The following ART3 variants were observed in gnomAD, a reference collection of about 807,000 sequenced individuals.
ART3 encodes ecto-ADP-ribosyltransferase 3.
In ART3, 49 loss-of-function variants were observed where a neutral mutation model predicts 48.5. That is an observed-to-expected ratio of 1.01 (90% CI 0.80 to 1.28). ART3 has a LOEUF of 1.28. ART3 is among the 50% of genes most tolerant of loss of function. The pLI is 0.00. For synonymous variants in ART3, 145 were observed against 157.2 expected, an observed-to-expected ratio of 0.92 and a Z score of 0.58; for missense variants, 438 against 454.3, an observed-to-expected ratio of 0.96 and a Z score of 0.33.
chr4:76,077,608 T>A (rs1010931997), intron 2 of ART3, among the ~76,000 whole-genome samples: 2 of 152,238 alleles, frequency 1.3e-5, no homozygotes, highest in Admixed American at 6.5e-5. Flanking sequence ...TAAAGTTTAC[T>A]TATATATAGG....
chr4:76,107,746 C>T lies in ART3; in HGVS notation c.1004-15C>T. 1.4e-6 allele frequency: 2 copies of T among 1,401,522 alleles called. No homozygotes were observed. The highest frequency in any genetic ancestry group is 2.0e-6 in the Non-Finnish European group (2 of 1,023,234). The allele number at this position is 1,401,522 out of a possible 1,614,324, so 86.8% of individuals were successfully genotyped here. ...ATATACAATATAACTAACTCAAAAT[C>T]TCTTTATATTTTAGAAGATAAAAGT... On this transcript the variant is annotated splice_polypyrimidine_tract_variant and intron_variant, in intron 10 of 11. Transcript: ENST00000355810.
intron 1 of ART3, among the ~76,000 whole-genome samples, chr4:76,061,356 T>C (rs1719196832): frequency 1.3e-5 from 2 of 152,210 alleles, no homozygotes; most frequent in South Asian, 4.1e-4. Context: ...CACATCCCTA[T>C]GCTATATAAT....
chr4:76,040,313 A>C (rs1734824113), intron 1 of ART3, among the ~76,000 whole-genome samples: 1 of 152,188 alleles, frequency 6.6e-6, no homozygotes, highest in African/African-American at 2.4e-5. Flanking sequence ...TGACCCAGAG[A>C]GACTCCGTCT....
At chr4:76,035,858 G>A in intron 1 of ART3, 1 of 1,357,922 alleles carries the variant, frequency 7.4e-7, no homozygotes, top group Non-Finnish European at 1.0e-6. Context: ...TAGGATAAAA[G>A]TGGAAGAAAA....
chr4:76,032,304 C>T (rs1578243515), intron 1 of ART3, among the ~76,000 whole-genome samples: 2 of 151,812 alleles, frequency 1.3e-5, no homozygotes, highest in East Asian at 1.9e-4. Context: ...CCTCCCAGAC[C>T]CAAGTGATCC....
intron 5 of ART3, among the ~76,000 whole-genome samples, chr4:76,099,941 A>AG (rs1490903144): frequency 6.6e-6 from 1 of 152,236 alleles, no homozygotes; most frequent in African/African-American, 2.4e-5. Flanking sequence ...AGACTTGCTT[A>AG]GCAGCCCTTC....
chr4:76,065,369 A>G (rs541693493), intron 1 of ART3, among the ~76,000 whole-genome samples: 29 of 152,206 alleles, frequency 1.9e-4, no homozygotes, highest in African/African-American at 6.7e-4. Flanking sequence ...TAACATGCCG[A>G]TCTTTGGGAT....
intron 5 of ART3, 64 bp downstream of exon 5, chr4:76,099,051 C>T (rs767600524): frequency 6.7e-7 from 1 of 1,485,652 alleles, no homozygotes; most frequent in East Asian, 2.3e-5. Flanking sequence ...CCTGTAATCC[C>T]AGCGCTTTGG....
At chr4:76,112,094 A>G (rs1729602719) in intron 11 of ART3, 1 of 295,764 alleles carries the variant, frequency 3.4e-6, no homozygotes, top group Admixed American at 4.8e-5. Context: ...GCTTCCAGTT[A>G]ATGGTAGGCT....
At chr4:76,040,191 G>A (rs939725728) in intron 1 of ART3, among the ~76,000 whole-genome samples, 1 of 152,102 alleles carries the variant, frequency 6.6e-6, no homozygotes, top group African/African-American at 2.4e-5. Flanking sequence ...TGGGTATGGT[G>A]GCGCATGCCT....
At chr4:76,079,096 A>G (rs1578448900) in intron 2 of ART3, among the ~76,000 whole-genome samples, 1 of 151,012 alleles carries the variant, frequency 6.6e-6, no homozygotes, top group South Asian at 2.1e-4. Flanking sequence ...AAAAAAAAGG[A>G]CAAGACTCTG....
chr4:76,103,116 C>T (rs1340832861), intron 8 of ART3, among the ~76,000 whole-genome samples: 3 of 152,082 alleles, frequency 2.0e-5, no homozygotes, highest in African/African-American at 4.8e-5. Context: ...TTCTTATTCT[C>T]GTCCTTAGGA....
At chr4:76,020,954 G>GATA (rs1732747303) in intron 1 of ART3, among the ~76,000 whole-genome samples, 1 of 152,182 alleles carries the variant, frequency 6.6e-6, no homozygotes, top group South Asian at 2.1e-4. Flanking sequence ...GATCTTATAT[G>GATA]ATGGGCCTTT....
At chr4:76,102,635 A>G (rs1055781582) in intron 8 of ART3, among the ~76,000 whole-genome samples, 3 of 126,386 alleles carry the variant, frequency 2.4e-5, no homozygotes, top group Non-Finnish European at 5.6e-5. Flanking sequence ...ATAATTGGAT[A>G]TAGAACTGCA....
chr4:76,037,468 C>T (rs942069438), intron 1 of ART3, among the ~76,000 whole-genome samples: 2 of 151,290 alleles, frequency 1.3e-5, no homozygotes, highest in Non-Finnish European at 2.9e-5. Flanking sequence ...CTTTTTGAAG[C>T]CATTTTTGTT....
At chr4:76,046,686 T>C (rs1300168189) in intron 1 of ART3, among the ~76,000 whole-genome samples, 1 of 151,946 alleles carries the variant, frequency 6.6e-6, no homozygotes, top group Non-Finnish European at 1.5e-5. Context: ...GGTAACTTTT[T>C]CCCCATATTC....
intron 1 of ART3, among the ~76,000 whole-genome samples, chr4:76,015,311 G>T: frequency 6.6e-6 from 1 of 152,184 alleles, no homozygotes; most frequent in Non-Finnish European, 1.5e-5. Context: ...TAGGAGCAGA[G>T]TGTGTTTGTT....
intron 2 of ART3, among the ~76,000 whole-genome samples, chr4:76,079,086 A>C (rs4859420): frequency 0.88 from 133,033 of 150,460 alleles, 59,158 homozygotes; most frequent in African/African-American, 0.96. Context: ...GTCTAAAAAA[A>C]AAAAAAAGGA....
At chr4:76,074,352 A>G (rs1451993402), upstream of ART3, among the ~76,000 whole-genome samples, 1 of 152,206 alleles carries the variant, frequency 6.6e-6, no homozygotes, top group East Asian at 1.9e-4. Flanking sequence ...GAATGGTGAT[A>G]GCTGTCACCA....
Sources: gnomAD v4.1 joint callset for allele counts (sites outside exome capture counted in the v4.1 genomes callset) on GRCh38, gnomAD v4.1.1 for gene constraint, MANE v1.5 for transcripts, NCBI Gene and HGNC (gene_info 2026-07-23, HGNC 2026-07-21) for gene names.